Variants in CDKAL1 observed in about 807,000 individuals in gnomAD.
CDKAL1 encodes threonylcarbamoyladenosine tRNA methylthiotransferase.
A neutral mutation model predicts 68.2 loss-of-function variants in CDKAL1; 32 were observed. The observed-to-expected ratio is 0.47, with a 90% CI of 0.35 to 0.63. CDKAL1 has a LOEUF of 0.63. Among genes scored for constraint, CDKAL1 ranks in the 30% least tolerant of loss-of-function variants. CDKAL1 has a pLI of 0.00. For missense variants in CDKAL1, 606 were observed against 696.7 expected, an observed-to-expected ratio of 0.87 and a Z score of 1.47; for synonymous variants, 234 against 244.3, an observed-to-expected ratio of 0.96 and a Z score of 0.39.
At chr6:21,103,695 G>A (rs1773705445) in intron 12 of CDKAL1, among the ~76,000 whole-genome samples, 1 of 152,106 alleles carries the variant, frequency 6.6e-6, no homozygotes, top group Non-Finnish European at 1.5e-5. Flanking sequence ...GTAACTTGAA[G>A]GTACCTTGTA....
At chr6:20,729,767 T>C (rs1463061190) in intron 5 of CDKAL1, among the ~76,000 whole-genome samples, 4 of 152,196 alleles carry the variant, frequency 2.6e-5, no homozygotes, top group Non-Finnish European at 5.9e-5. Context: ...TAAGTCTGGG[T>C]GCTAACTATT....
chr6:21,074,980 C>T (rs1771988859), intron 12 of CDKAL1, among the ~76,000 whole-genome samples: 1 of 151,770 alleles, frequency 6.6e-6, no homozygotes, highest in African/African-American at 2.4e-5. Flanking sequence ...CCTACCTCCC[C>T]ACTTCTGAGT....
chr6:20,943,332 AAAAAAAAAAAAAG>A (rs1407215844), intron 9 of CDKAL1, among the ~76,000 whole-genome samples: 2 of 86,402 alleles, frequency 2.3e-5, no homozygotes, highest in Non-Finnish European at 4.7e-5. Context: ...TTTTTTCAAA[AAAAAAAAAAAAAG>A]AAAAAGAAAA....
chr6:20,556,487 G>T (rs1249426197), intron 4 of CDKAL1, among the ~76,000 whole-genome samples: 1 of 152,134 alleles, frequency 6.6e-6, no homozygotes. Flanking sequence ...ACCTCAATAG[G>T]ATATTTTTGG....
intron 15 of CDKAL1, among the ~76,000 whole-genome samples, chr6:21,219,995 C>T (rs1011379973): frequency 2.0e-5 from 3 of 152,200 alleles, no homozygotes; most frequent in Admixed American, 1.3e-4. Flanking sequence ...ATCAGTAAAG[C>T]ATCTTGACCC....
At chr6:21,051,774 G>C (rs1011499183) in intron 11 of CDKAL1, among the ~76,000 whole-genome samples, 3 of 152,082 alleles carry the variant, frequency 2.0e-5, no homozygotes, top group Non-Finnish European at 1.5e-5. Flanking sequence ...TACATATTAA[G>C]CACTATATGG....
chr6:20,974,501 G>T (rs1452620030), intron 10 of CDKAL1, among the ~76,000 whole-genome samples: 1 of 152,160 alleles, frequency 6.6e-6, no homozygotes, highest in Non-Finnish European at 1.5e-5. Context: ...TCTTGTGATA[G>T]TGATTAATAT....
intron 11 of CDKAL1, among the ~76,000 whole-genome samples, chr6:21,061,516 A>G (rs924713561): frequency 3.9e-5 from 6 of 152,108 alleles, no homozygotes; most frequent in African/African-American, 1.4e-4. Flanking sequence ...AATTCATGTC[A>G]TCTCAAAAAT....
chr6:20,893,227 G>A (rs915775029), intron 9 of CDKAL1, among the ~76,000 whole-genome samples: 8 of 152,194 alleles, frequency 5.3e-5, no homozygotes, highest in African/African-American at 1.9e-4. Context: ...TTTGACTGGA[G>A]TCAGTTAGAT....
chr6:21,008,508 G>A (rs12192642), intron 11 of CDKAL1, among the ~76,000 whole-genome samples: 23,049 of 152,126 alleles, frequency 0.15, 2,062 homozygotes, highest in Admixed American at 0.23. Flanking sequence ...GTTATTGAGA[G>A]TTGCCTCTTA....
At chr6:20,846,429 C>G (rs1162571604) in intron 9 of CDKAL1, among the ~76,000 whole-genome samples, 9 of 152,082 alleles carry the variant, frequency 5.9e-5, no homozygotes, top group Admixed American at 5.9e-4. Context: ...ACTTTATCAC[C>G]CACCTCTAGA....
chr6:21,083,816 A>G (rs1310694413), intron 12 of CDKAL1, among the ~76,000 whole-genome samples: 1 of 152,154 alleles, frequency 6.6e-6, no homozygotes, highest in Non-Finnish European at 1.5e-5. Context: ...AATACTGGCC[A>G]GTTATTTAAT....
chr6:21,223,510 C>T (rs1779610782), intron 15 of CDKAL1, among the ~76,000 whole-genome samples: 1 of 152,148 alleles, frequency 6.6e-6, no homozygotes, highest in Non-Finnish European at 1.5e-5. Context: ...TCTGGTTCTC[C>T]AGCCAGGTAC....
At chr6:20,719,011 A>G (rs1469748864) in intron 5 of CDKAL1, among the ~76,000 whole-genome samples, 1 of 152,172 alleles carries the variant, frequency 6.6e-6, no homozygotes, top group Non-Finnish European at 1.5e-5. Context: ...TTGTGAGAAA[A>G]TGAAGACTCA....
intron 10 of CDKAL1, among the ~76,000 whole-genome samples, chr6:20,978,254 A>G (rs1047086365): frequency 6.6e-6 from 1 of 152,190 alleles, no homozygotes; most frequent in Non-Finnish European, 1.5e-5. Flanking sequence ...AACTGATTCA[A>G]CCAATGAGTA....
chr6:20,543,926 C>T (rs12214002), intron 2 of CDKAL1, among the ~76,000 whole-genome samples: 1,839 of 151,708 alleles, frequency 0.012, 17 homozygotes, highest in Non-Finnish European at 0.017. Flanking sequence ...TTAGTAGAGA[C>T]GCGGTGTCAC....
At chr6:20,973,578 A>G (rs1765696766) in intron 10 of CDKAL1, among the ~76,000 whole-genome samples, 1 of 152,162 alleles carries the variant, frequency 6.6e-6, no homozygotes. Context: ...AGGTGATCCA[A>G]CATAGGATCA....
chr6:21,120,699 C>T (rs539989666), intron 13 of CDKAL1, among the ~76,000 whole-genome samples: 1 of 152,230 alleles, frequency 6.6e-6, no homozygotes, highest in African/African-American at 2.4e-5. Flanking sequence ...TAAATATTAT[C>T]ATACTAGAAA....
At chr6:20,992,353 C>T (rs993651510) in intron 10 of CDKAL1, among the ~76,000 whole-genome samples, 31 of 151,996 alleles carry the variant, frequency 2.0e-4, no homozygotes, top group African/African-American at 7.5e-4. Flanking sequence ...TAGTGTGAGC[C>T]ACTTTATCCA....
Sources: allele counts gnomAD v4.1 joint callset (sites outside exome capture counted in the v4.1 genomes callset), GRCh38; gene constraint gnomAD v4.1.1; transcripts MANE v1.5; gene names NCBI Gene and HGNC (gene_info 2026-07-23, HGNC 2026-07-21).